Variants in FAM193A observed in about 807,000 individuals in gnomAD.
FAM193A encodes the protein family with sequence similarity 193 member A, also known as protein FAM193A.
In FAM193A, 22 loss-of-function variants were observed where a neutral mutation model predicts 126.5. The ratio of observed to expected loss-of-function variants is 0.17; its 90% confidence interval spans 0.12 to 0.25. FAM193A has a LOEUF of 0.25. Ranked by LOEUF, FAM193A falls within the 10% of genes least tolerant of loss-of-function variation. FAM193A has a pLI of 1.00. For missense variants in FAM193A, 1,675 were observed against 1,672.8 expected, an observed-to-expected ratio of 1.00 and a Z score of -0.02; for synonymous variants, 761 against 646.8, an observed-to-expected ratio of 1.18 and a Z score of -2.68.
At chr4:2,707,138 A>T (rs998472445) in intron 19 of FAM193A, among the ~76,000 whole-genome samples, 1 of 152,010 alleles carries the variant, frequency 6.6e-6, no homozygotes, top group Admixed American at 6.6e-5. Context: ...CAAAAAAAAA[A>T]GTTGTTGGTA....
At chr4:2,602,603 T>C (rs1010754971) in intron 2 of FAM193A, among the ~76,000 whole-genome samples, 3 of 152,098 alleles carry the variant, frequency 2.0e-5, no homozygotes, top group African/African-American at 7.2e-5. Context: ...TCCACCCACC[T>C]TGGCCTCCCA....
intron 1 of FAM193A, among the ~76,000 whole-genome samples, chr4:2,576,516 T>G (rs1182247485): frequency 2.6e-5 from 4 of 152,180 alleles, no homozygotes; most frequent in Non-Finnish European, 4.4e-5. Flanking sequence ...TGCACAATGA[T>G]TGTGCCTGTG....
intron 19 of FAM193A, among the ~76,000 whole-genome samples, chr4:2,713,565 C>G (rs2109362525): frequency 6.6e-6 from 1 of 152,300 alleles, no homozygotes; most frequent in Admixed American, 6.5e-5. Flanking sequence ...GACACCCACT[C>G]ATTGCCTCCA....
chr4:2,686,972 T>C (rs1715809297), intron 13 of FAM193A, among the ~76,000 whole-genome samples: 1 of 152,182 alleles, frequency 6.6e-6, no homozygotes, highest in Non-Finnish European at 1.5e-5. Context: ...TCTTGTCCCA[T>C]GGGGCTCCCT....
At chr4:2,731,383 A>G (rs1156825103) in intron 20 of FAM193A, among the ~76,000 whole-genome samples, 1 of 151,384 alleles carries the variant, frequency 6.6e-6, no homozygotes, top group Non-Finnish European at 1.5e-5. Flanking sequence ...AAAGGATTTC[A>G]CCATGTTGCC....
rs781723286 is a variant in FAM193A at position 2,659,636 on chromosome 4, A to G, written c.1468A>G (p.Met490Val). The change falls in exon 9 of 21, where the codon ATG becomes GTG. Residue 490 changes from methionine (M) to valine (V), a missense_variant. This residue lies in a region of FAM193A where 1,186 missense variants were observed against 1,109.2 expected (regional missense o/e 1.07). Coordinates refer to ENST00000637812, the MANE Select transcript of FAM193A (RefSeq NM_001366318.2). ...MRHMLSSRLS[M>V]PDCPNCNYRR... ...GCACATGTTATCGTCCCGGCTGAGC[A>G]TGCCCGACTGCCCCAACTGCAACTA... The G allele has an allele frequency of 8.7e-6, 14 of 1,614,054 alleles. No individual in the cohort carries two copies. In the East Asian group the frequency reaches 8.9e-5, roughly 10 times the overall value.
Position 2,639,870 on chromosome 4 carries a change from T to C in FAM193A, c.1163+11T>C. The C allele has an allele frequency of 1.2e-6, 2 of 1,612,794 alleles. No homozygotes were observed. The highest frequency in any genetic ancestry group is 2.7e-5 in the African/African-American group (2 of 74,986). Reference sequence around the variant, plus strand: ...GGTGTCACAGATCAGGTATTTTGCCTTAACCCGTATGTGTCTTTGTGGTGT... The same window carrying C: ...GGTGTCACAGATCAGGTATTTTGCCCTAACCCGTATGTGTCTTTGTGGTGT... On this transcript the variant is annotated intron_variant, in intron 6 of 20. Coordinates refer to ENST00000637812, the MANE Select transcript of FAM193A (RefSeq NM_001366318.2).
rs79001258 is a variant in FAM193A, at chr4:2,723,703, A to C, written c.4454+7599A>C. ...AAGATCATCACAAAAGAAGTTATTCATTTAACCAAACTAATAATTCAAAGG... is the reference window on the plus strand; with the variant it reads ...AAGATCATCACAAAAGAAGTTATTCCTTTAACCAAACTAATAATTCAAAGG... On this transcript the variant is annotated intron_variant, in intron 20 of 20. Coordinates refer to ENST00000637812, the MANE Select transcript of FAM193A (RefSeq NM_001366318.2). Among the ~76,000 whole-genome samples, 77 of 152,382 alleles carry C rather than the reference A, an allele frequency of 5.1e-4. 2 individuals are homozygous for C. The East Asian group carries it at 0.014, about 27-fold the overall frequency.
chr4:2,577,422 G>GTTTTTTTTTTTTT (rs986931980), intron 1 of FAM193A, among the ~76,000 whole-genome samples: 1,941 of 115,242 alleles, frequency 0.017, 136 homozygotes, highest in African/African-American at 0.03. Flanking sequence ...TTTTTTTTTT[G>GTTTTTTTTTTTTT]TTTTTTTTTT....
At chr4:2,687,511 C>T (rs577644821) in intron 13 of FAM193A, among the ~76,000 whole-genome samples, 1 of 152,298 alleles carries the variant, frequency 6.6e-6, no homozygotes, top group East Asian at 1.9e-4. Context: ...AAGGCCAAGA[C>T]GTGGGACTAG....
chr4:2,632,259 AC>A (rs1374417600), intron 5 of FAM193A, among the ~76,000 whole-genome samples: 1 of 151,986 alleles, frequency 6.6e-6, no homozygotes, highest in Non-Finnish European at 1.5e-5. Flanking sequence ...AAGTTGATGG[AC>A]CCTCTTAGAA....
intron 14 of FAM193A, 136 bp downstream of exon 14, chr4:2,689,840 G>T (rs1300219259): frequency 5.0e-6 from 3 of 602,798 alleles, no homozygotes; most frequent in African/African-American, 3.9e-5. Context: ...CCAGTGGGAG[G>T]CCCCTCGGGG....
chr4:2,681,179 A>G (rs1365563193), intron 13 of FAM193A, among the ~76,000 whole-genome samples: 1 of 151,888 alleles, frequency 6.6e-6, no homozygotes, highest in Non-Finnish European at 1.5e-5. Flanking sequence ...GTAATCAATA[A>G]TAATGTCCCC....
chr4:2,539,795 A>C (rs1354462350), intron 1 of FAM193A, among the ~76,000 whole-genome samples: 2 of 152,126 alleles, frequency 1.3e-5, no homozygotes, highest in Admixed American at 1.3e-4. Context: ...CATAAACACA[A>C]AAATTTCACA....
At chr4:2,654,156 A>G (rs1473274445) in intron 7 of FAM193A, among the ~76,000 whole-genome samples, 4 of 152,204 alleles carry the variant, frequency 2.6e-5, no homozygotes, top group South Asian at 2.1e-4. Flanking sequence ...AATGTTGAAT[A>G]CGTGTAAAAT....
At chr4:2,717,625 G>A (rs868847606) in intron 20 of FAM193A, among the ~76,000 whole-genome samples, 4 of 150,030 alleles carry the variant, frequency 2.7e-5, no homozygotes, top group African/African-American at 9.8e-5. Context: ...AGCCAGGCAT[G>A]CACTTGTAGT....
At chr4:2,578,147 C>T (rs1178008305) in intron 1 of FAM193A, among the ~76,000 whole-genome samples, 3 of 152,158 alleles carry the variant, frequency 2.0e-5, no homozygotes, top group African/African-American at 7.2e-5. Context: ...CTCACTGCAG[C>T]CTTGACTTCC....
intron 1 of FAM193A, among the ~76,000 whole-genome samples, chr4:2,555,828 G>A (rs1738221549): frequency 1.3e-5 from 2 of 151,974 alleles, no homozygotes. Flanking sequence ...CGTGTTAGCC[G>A]GGTGGTCTCG....
At chr4:2,709,272 C>T (rs1437197818) in intron 19 of FAM193A, among the ~76,000 whole-genome samples, 1 of 152,052 alleles carries the variant, frequency 6.6e-6, no homozygotes, top group East Asian at 1.9e-4. Flanking sequence ...TATGGTATAT[C>T]CTTTTGTTTT....
Sources: allele counts gnomAD v4.1 joint callset (sites outside exome capture counted in the v4.1 genomes callset), GRCh38; gene constraint gnomAD v4.1.1; regional missense constraint gnomAD v4.1.1; transcripts MANE v1.5; gene names NCBI Gene and HGNC (gene_info 2026-07-23, HGNC 2026-07-21).